Variants in USP31 observed in about 807,000 individuals in gnomAD.
USP31 encodes ubiquitin carboxyl-terminal hydrolase 31.
Under a neutral mutation model 119.4 loss-of-function variants are expected in USP31, and 44 were observed. That is an observed-to-expected ratio of 0.37 (90% CI 0.29 to 0.47). USP31 has a LOEUF of 0.47. USP31 is among the 20% of genes least tolerant of loss of function. USP31 has a pLI of 0.99. For missense variants in USP31, 1,643 were observed against 1,730.2 expected (o/e 0.95, Z 0.89); for synonymous variants, 749 against 705.6 (o/e 1.06, Z -0.97).
chr16:23,097,362 A>G (rs973455025), intron 6 of USP31, among the ~76,000 whole-genome samples: 1 of 152,200 alleles, frequency 6.6e-6, no homozygotes, highest in African/African-American at 2.4e-5. Flanking sequence ...CCTACCAACC[A>G]AAAAGAGTCC....
chr16:23,142,393 T>G (rs761387972), intron 1 of USP31, among the ~76,000 whole-genome samples: 2 of 152,184 alleles, frequency 1.3e-5, no homozygotes, highest in Non-Finnish European at 2.9e-5. Context: ...CAGATGACCT[T>G]ATTTTCACTC....
intron 6 of USP31, among the ~76,000 whole-genome samples, chr16:23,100,370 G>T (rs1901797160): frequency 6.6e-6 from 1 of 152,186 alleles, no homozygotes; most frequent in Non-Finnish European, 1.5e-5. Flanking sequence ...GCTACAACAT[G>T]AATGAATCTT....
intron 9 of USP31, among the ~76,000 whole-genome samples, chr16:23,086,601 T>C (rs1220768654): frequency 1.3e-5 from 2 of 152,208 alleles, no homozygotes; most frequent in East Asian, 3.9e-4. Context: ...TATAAAATAG[T>C]ATCGCCTGTT....
intron 15 of USP31, among the ~76,000 whole-genome samples, chr16:23,071,193 C>T (rs1900329324): frequency 1.3e-5 from 2 of 152,214 alleles, no homozygotes; most frequent in East Asian, 3.8e-4. Context: ...GTGCAGCTCT[C>T]TTCACCTGGC....
At chr16:23,093,206 G>A (rs544459126) in intron 6 of USP31, among the ~76,000 whole-genome samples, 9 of 152,174 alleles carry the variant, frequency 5.9e-5, no homozygotes, top group East Asian at 5.8e-4. Context: ...ACTTTTGTAC[G>A]TCAAAGAACA....
At chr16:23,114,015 G>T (rs139262661) in intron 1 of USP31, among the ~76,000 whole-genome samples, 1 of 152,066 alleles carries the variant, frequency 6.6e-6, no homozygotes, top group African/African-American at 2.4e-5. Flanking sequence ...TGAGGCAGGA[G>T]AGTTGCTTGA....
Position 23,149,321 on chromosome 16 carries a change from C to T in USP31, c.-51G>A. 9.9e-7 allele frequency: 1 copy of T among 1,014,652 alleles called. No homozygotes were observed. The highest frequency in any genetic ancestry group is 1.2e-6 in the Non-Finnish European group (1 of 850,828). 62.9% of individuals were successfully genotyped at this position (1,014,652 alleles called of 1,614,324 possible). On this transcript the variant is annotated 5_prime_UTR_variant, in exon 1 of 16. Coordinates refer to ENST00000219689, the MANE Select transcript of USP31 (RefSeq NM_020718.4). ...CGCGCCCGCCCGCCCGGCCCGCGGC[C>T]CCGCCACGGCCGCCGCCGCATCCCG... is the stretch of plus-strand genomic sequence containing the variant.
chr16:23,124,545 G>C (rs1398038701), intron 1 of USP31, among the ~76,000 whole-genome samples: 1 of 152,144 alleles, frequency 6.6e-6, no homozygotes, highest in East Asian at 1.9e-4. Flanking sequence ...GAACACTGGA[G>C]ATATAAATAA....
rs1189790962 is a variant in USP31 at position 23,133,846 on chromosome 16, T to C, written c.633+14792A>G. Among the ~76,000 whole-genome samples the C allele has an allele frequency of 2.0e-5, 3 of 152,242 alleles. No homozygotes were observed. The South Asian group carries it at 6.2e-4, about 32-fold the overall frequency. The stretch of plus-strand genomic sequence containing the variant: ...ATCTCAGCGCTTTGGGAGGAAGAGA[T>C]GGGCAAATCACTTCAGCCCAGAAGT... On this transcript the variant is annotated intron_variant, in intron 1 of 15. Transcript: ENST00000219689.
intron 1 of USP31, among the ~76,000 whole-genome samples, chr16:23,119,677 T>A (rs566877577): frequency 2.0e-5 from 3 of 152,358 alleles, no homozygotes; most frequent in East Asian, 1.9e-4. Flanking sequence ...TTTCTTCCTA[T>A]GACTGAAATA....
chr16:23,135,018 C>T (rs1162874510), intron 1 of USP31, among the ~76,000 whole-genome samples: 3 of 151,156 alleles, frequency 2.0e-5, no homozygotes, highest in Admixed American at 2.0e-4. Context: ...AATGAAAGGA[C>T]GTTCAACATA....
At position 23,064,092 on chromosome 16, in the gene USP31, C is replaced by G. The variant is rs1378709386; in HGVS notation, c.*3954G>C. ...CAGCAAAGTTTGCCTTTCTCAACTA[C>G]AAATAATACAAAGTTCCACGCACCT... On this transcript the variant is annotated 3_prime_UTR_variant, in exon 16 of 16. Coordinates refer to ENST00000219689, the MANE Select transcript of USP31 (RefSeq NM_020718.4). The G allele has an allele frequency of 1.3e-5, 2 of 152,622 alleles. No individual in the cohort carries two copies. The highest frequency in any genetic ancestry group is 4.8e-5 in the African/African-American group (2 of 41,468). 9.5% of individuals were successfully genotyped at this position (152,622 alleles called of 1,614,324 possible). A position where few individuals can be genotyped will look rare whatever the true frequency, so the allele number is the denominator to read the frequency against.
chr16:23,128,024 G>A (rs944478997), intron 1 of USP31, among the ~76,000 whole-genome samples: 1 of 152,166 alleles, frequency 6.6e-6, no homozygotes, highest in Admixed American at 6.5e-5. Context: ...TTACGCTGGT[G>A]TTACAAGTAG....
chr16:23,146,015 GA>G (rs1489553969), intron 1 of USP31, among the ~76,000 whole-genome samples: 1 of 152,122 alleles, frequency 6.6e-6, no homozygotes, highest in African/African-American at 2.4e-5. Flanking sequence ...TGTACTTCTA[GA>G]ATTATTGACC....
chr16:23,106,501 A>G lies in USP31; in HGVS notation c.772-14T>C, dbSNP rs779548840. The G allele has an allele frequency of 3.1e-6, 5 of 1,594,756 alleles. No individual in the cohort carries two copies. Among genetic ancestry groups the G allele is most frequent in the Non-Finnish European group, 4.3e-6 (5 of 1,171,848 alleles). Reference sequence around the variant, plus strand: ...CTCTGATGGTGGCTAAAAAAAAAAGAAAGTACAACTTCACAGACTAGAAAG... The same window carrying G: ...CTCTGATGGTGGCTAAAAAAAAAAGGAAGTACAACTTCACAGACTAGAAAG... On this transcript the variant is annotated splice_polypyrimidine_tract_variant and intron_variant, in intron 2 of 15. Transcript: ENST00000219689.
At chr16:23,126,865 G>C (rs1902875879) in intron 1 of USP31, among the ~76,000 whole-genome samples, 2 of 152,026 alleles carry the variant, frequency 1.3e-5, no homozygotes, top group South Asian at 4.1e-4. Context: ...CTAAATAAGA[G>C]AGAACATGAA....
intron 1 of USP31, among the ~76,000 whole-genome samples, chr16:23,148,427 C>G (rs1368879005): frequency 1.3e-5 from 2 of 152,192 alleles, no homozygotes; most frequent in Non-Finnish European, 2.9e-5. Flanking sequence ...GTAGTAAGTT[C>G]TCAATAAATA....
chr16:23,095,382 G>A (rs1368999446), intron 6 of USP31, among the ~76,000 whole-genome samples: 1 of 152,204 alleles, frequency 6.6e-6, no homozygotes, highest in East Asian at 1.9e-4. Context: ...TGCTGTACCT[G>A]AAAGTGATGG....
At chr16:23,111,902 C>T (rs766559159) in intron 1 of USP31, among the ~76,000 whole-genome samples, 5 of 152,052 alleles carry the variant, frequency 3.3e-5, no homozygotes, top group South Asian at 2.1e-4. Context: ...ATTAAGACAA[C>T]GATAACAGAG....
Sources: gnomAD v4.1 joint callset for allele counts (sites outside exome capture counted in the v4.1 genomes callset) on GRCh38, gnomAD v4.1.1 for gene constraint, MANE v1.5 for transcripts, NCBI Gene and HGNC (gene_info 2026-07-23, HGNC 2026-07-21) for gene names.